Variants in LSM14A observed in about 807,000 individuals in gnomAD.
LSM14A encodes the protein LSM14A mRNA processing body assembly factor.
LSM14A carries 14 observed loss-of-function variants against 52.4 expected under a neutral mutation model. The ratio of observed to expected loss-of-function variants is 0.27; its 90% CI spans 0.18 to 0.42. The LOEUF is 0.42. Ranked by LOEUF, LSM14A falls within the 10% of genes least tolerant of loss-of-function variation. The pLI, the probability that LSM14A is intolerant of heterozygous loss-of-function variation, is 1.00. For missense variants in LSM14A, 417 were observed against 581.8 expected (o/e 0.72, Z 2.91); for synonymous variants, 185 against 200.3 (o/e 0.92, Z 0.64).
intron 1 of LSM14A, among the ~76,000 whole-genome samples, chr19:34,173,915 T>G (rs1218167295): frequency 6.7e-6 from 1 of 149,836 alleles, no homozygotes; most frequent in Non-Finnish European, 1.5e-5. Flanking sequence ...ATAATATTTC[T>G]TGGATGCTCT....
chr19:34,180,316 GT>G (rs1285434065), intron 1 of LSM14A, among the ~76,000 whole-genome samples: 1 of 151,990 alleles, frequency 6.6e-6, no homozygotes, highest in Non-Finnish European at 1.5e-5. Context: ...TTGTTTGTTT[GT>G]TTTTTTCTGG....
intron 1 of LSM14A, among the ~76,000 whole-genome samples, chr19:34,183,915 G>A (rs567846048): frequency 5.3e-5 from 8 of 152,278 alleles, no homozygotes; most frequent in African/African-American, 1.9e-4. Context: ...CGTGAAAGTT[G>A]TGTATCCATC....
intron 3 of LSM14A, among the ~76,000 whole-genome samples, chr19:34,200,901 A>G (rs944698184): frequency 2.0e-4 from 31 of 152,268 alleles, no homozygotes; most frequent in African/African-American, 7.2e-4. Flanking sequence ...TAGTTAACTG[A>G]CTTTGAGATC....
At chr19:34,195,960 G>A (rs1599681045) in intron 2 of LSM14A, among the ~76,000 whole-genome samples, 1 of 152,148 alleles carries the variant, frequency 6.6e-6, no homozygotes, top group African/African-American at 2.4e-5. Flanking sequence ...AACACTAGTG[G>A]TGAACACACA....
intron 1 of LSM14A, among the ~76,000 whole-genome samples, chr19:34,184,007 C>A (rs2069695129): frequency 6.6e-6 from 1 of 151,724 alleles, no homozygotes; most frequent in South Asian, 2.1e-4. Flanking sequence ...CTACGACCCC[C>A]AGTCCTAGGC....
chr19:34,220,074 A>G (rs970515351), intron 8 of LSM14A, among the ~76,000 whole-genome samples, 197 bp downstream of exon 8: 2 of 152,150 alleles, frequency 1.3e-5, no homozygotes, highest in South Asian at 2.1e-4. Flanking sequence ...ACCTCAAGCA[A>G]TCCTCCCATC....
At position 34,215,240 on chromosome 19, in the gene LSM14A, T is replaced by C; in HGVS notation, c.655T>C (p.Ser219Pro). 1 of 1,614,182 alleles carries C rather than the reference T, an allele frequency of 6.2e-7. No individual in the cohort carries two copies. Among genetic ancestry groups the C allele is most frequent in the Non-Finnish European group, 8.5e-7 (1 of 1,180,028 alleles). ...PAAVGRRSPV[S>P]TRPLPSASQK... ...AGCTGTTGGGAGAAGGAGTCCTGTA[T>C]CAACCAGGCCTTTGCCATCTGCCAG... Residue 219 changes from serine (S) to proline (P), a missense_variant, in exon 5 of 10, where the codon TCA (serine) becomes CCA (proline). Ser to Pro is a moderately conservative substitution (Grantham distance 74). Transcript: ENST00000544216.
At chr19:34,198,861 C>T (rs1350371739) in intron 3 of LSM14A, among the ~76,000 whole-genome samples, 1 of 151,862 alleles carries the variant, frequency 6.6e-6, no homozygotes, top group African/African-American at 2.4e-5. Flanking sequence ...GTGGTGGGCG[C>T]CTGTAGTTCC....
intron 1 of LSM14A, among the ~76,000 whole-genome samples, chr19:34,173,628 C>T (rs1342095211): frequency 2.0e-5 from 3 of 152,144 alleles, no homozygotes; most frequent in Non-Finnish European, 4.4e-5. Context: ...TCCGTTCACA[C>T]GTGCAGGGCC....
In LSM14A at chr19:34,227,383, G is replaced by T; in HGVS notation, c.1387G>T (p.Ala463Ser). The T allele has an allele frequency of 6.3e-7, 1 of 1,596,522 alleles. No individual in the cohort carries two copies. Among genetic ancestry groups the T allele is most frequent in the Non-Finnish European group, 8.5e-7 (1 of 1,172,962 alleles). The change falls in exon 10 of 10, where the codon GCA (alanine) becomes TCA (serine). Residue 463 changes from alanine to serine, a missense_variant. This residue lies in a region of LSM14A where 357 missense variants were observed against 457.0 expected (regional missense o/e 0.78). Transcript: ENST00000544216. ...FEYRKDNKVA[A>S] is the part of the protein sequence containing the mutation. ...TTTTTAGAAAGACAACAAAGTTGCT[G>T]CATAGTCTACAAACAAGTCTCTGAA...
intron 1 of LSM14A, among the ~76,000 whole-genome samples, chr19:34,177,196 T>G (rs1361318442): frequency 6.6e-6 from 1 of 152,206 alleles, no homozygotes; most frequent in Non-Finnish European, 1.5e-5. Flanking sequence ...AGTAGTTTCT[T>G]TAAATTAACA....
At chr19:34,196,922 G>A (rs2070884004) in intron 3 of LSM14A, among the ~76,000 whole-genome samples, 159 bp downstream of exon 3, 1 of 151,698 alleles carries the variant, frequency 6.6e-6, no homozygotes, top group Non-Finnish European at 1.5e-5. Flanking sequence ...ATATCTTAAA[G>A]CCTTTATTGA....
intron 4 of LSM14A, among the ~76,000 whole-genome samples, chr19:34,210,738 C>A (rs1478554460): frequency 6.6e-6 from 1 of 150,912 alleles, no homozygotes; most frequent in Non-Finnish European, 1.5e-5. Context: ...CAAGCAAGCA[C>A]CACCAGCTAG....
chr19:34,189,458 A>G (rs535810243), intron 1 of LSM14A, among the ~76,000 whole-genome samples: 23 of 152,154 alleles, frequency 1.5e-4, no homozygotes, highest in Non-Finnish European at 2.5e-4. Flanking sequence ...CCCAGCAAGT[A>G]TTTGAAAGAA....
chr19:34,196,680 A>T lies in LSM14A; in HGVS notation c.332A>T (p.Tyr111Phe). ...TCTTCATTCCAGTCCATGGGTTCTT[A>T]TGGACCTTTCGGCAGGATGCCCACA... ...STSSFQSMGS[Y>F]GPFGRMPTYS... The change falls in exon 3 of 10, where the codon TAT (tyrosine) becomes TTT (phenylalanine). Residue 111 changes from tyrosine (Y) to phenylalanine (F), a missense_variant. Around this residue, in one of 2 missense-constraint regions of LSM14A, gnomAD observed 357 missense variants for 457.0 expected, o/e 0.78. Coordinates refer to ENST00000544216, the MANE Select transcript of LSM14A (RefSeq NM_015578.4). The T allele has an allele frequency of 6.2e-7, 1 of 1,613,472 alleles. No individual in the cohort carries two copies. Among genetic ancestry groups the T allele is most frequent in the Non-Finnish European group, 8.5e-7 (1 of 1,179,836 alleles).
Position 34,221,641 on chromosome 19 carries a change from G to A in LSM14A, c.1271G>A (p.Gly424Asp). ...GLGFRGGRGR[G>D]GGRGGTFTAP... ...GGTTTCCGTGGTGGCAGAGGGCGTG[G>A]TGGTGGCAGAGGTGGTACCTTCACT... Residue 424 changes from glycine to aspartate, a missense_variant, in exon 9 of 10, where the codon GGT becomes GAT. Physicochemically the swap from Gly to Asp is moderately conservative, Grantham distance 94 (BLOSUM62 -1). Transcript: ENST00000544216. The A allele has an allele frequency of 6.2e-7, 1 of 1,614,166 alleles. No homozygotes were observed. The highest frequency in any genetic ancestry group is 8.5e-7 in the Non-Finnish European group (1 of 1,180,040).
chr19:34,194,780 CT>C, intron 2 of LSM14A, 139 bp downstream of exon 2: 1 of 769,258 alleles, frequency 1.3e-6, no homozygotes, highest in Non-Finnish European at 2.2e-6. Flanking sequence ...GGATAATGTT[CT>C]CATCTAGGTT....
At chr19:34,192,290 A>G (rs1326711220) in intron 1 of LSM14A, among the ~76,000 whole-genome samples, 1 of 103,222 alleles carries the variant, frequency 9.7e-6, no homozygotes, top group Non-Finnish European at 2.2e-5. Context: ...GTAGGACATT[A>G]TTTACACTGA....
At chr19:34,186,281 T>C (rs763466285) in intron 1 of LSM14A, among the ~76,000 whole-genome samples, 3 of 152,258 alleles carry the variant, frequency 2.0e-5, no homozygotes, top group Non-Finnish European at 4.4e-5. Flanking sequence ...GCTAATTTTA[T>C]GTGCCAACTT....
Sources: gnomAD v4.1 joint callset for allele counts (sites outside exome capture counted in the v4.1 genomes callset) on GRCh38, gnomAD v4.1.1 for gene constraint, gnomAD v4.1.1 regional missense constraint, MANE v1.5 for transcripts, NCBI Gene and HGNC (gene_info 2026-07-23, HGNC 2026-07-21) for gene names.